Variants in CCDC3 observed in about 807,000 individuals in gnomAD.
The protein encoded by CCDC3 is coiled-coil domain containing 3.
A neutral mutation model predicts 21.4 loss-of-function variants in CCDC3; 24 were observed. That is an observed-to-expected ratio of 1.12 (90% CI 0.81 to 1.58). The LOEUF is 1.58. Ranked by LOEUF, CCDC3 falls within the 40% of genes most tolerant of loss-of-function variation. CCDC3 has a pLI of 0.00. For synonymous variants in CCDC3, 186 were observed against 166.0 expected (o/e 1.12, Z -0.93); for missense variants, 425 against 360.9 (o/e 1.18, Z -1.44).
At chr10:12,957,311 T>G (rs1835104463) in intron 2 of CCDC3, among the ~76,000 whole-genome samples, 1 of 152,164 alleles carries the variant, frequency 6.6e-6, no homozygotes, top group African/African-American at 2.4e-5. Context: ...CGAGCTTAGC[T>G]CTATACCGAA....
intron 2 of CCDC3, among the ~76,000 whole-genome samples, chr10:12,985,431 A>C (rs565944803): frequency 6.6e-6 from 1 of 152,250 alleles, no homozygotes; most frequent in Admixed American, 6.5e-5. Context: ...TTGGGCATTT[A>C]TAACAGAGAA....
rs1554756648 is a variant in CCDC3, at chr10:12,960,168, A to ACAACACACACACAC, written c.549+38169_549+38170insGTGTGTGTGTGTTG. Among the ~76,000 whole-genome samples the ACAACACACACACAC allele has an allele frequency of 2.8e-3, 420 of 148,850 alleles. 1 individual carries two copies. The highest frequency in any genetic ancestry group is 1.0e-2 in the African/African-American group (402 of 40,400). On this transcript the variant is annotated intron_variant, in intron 2 of 2. Transcript: ENST00000378825. ...GACTCCATTTCACACACACACACAC[A>ACAACACACACACAC]ACACACACACACACACACACACAAA... is the stretch of plus-strand genomic sequence containing the variant.
intron 2 of CCDC3, among the ~76,000 whole-genome samples, chr10:12,976,965 G>C (rs1375529373): frequency 6.6e-6 from 1 of 152,184 alleles, no homozygotes; most frequent in Non-Finnish European, 1.5e-5. Context: ...GCTCAGAATG[G>C]TGTCCCCCAC....
At chr10:12,946,507 A>G (rs1834918531) in intron 2 of CCDC3, among the ~76,000 whole-genome samples, 1 of 152,150 alleles carries the variant, frequency 6.6e-6, no homozygotes, top group Non-Finnish European at 1.5e-5. Flanking sequence ...GCCCAATAAG[A>G]CAAATGCCCA....
intron 2 of CCDC3, among the ~76,000 whole-genome samples, chr10:12,984,681 G>A (rs1835560230): frequency 6.6e-6 from 1 of 152,142 alleles, no homozygotes; most frequent in African/African-American, 2.4e-5. Context: ...AACAAAATGT[G>A]ATAGCACCAT....
intron 2 of CCDC3, among the ~76,000 whole-genome samples, chr10:12,948,817 C>T (rs1016745428): frequency 2.7e-5 from 4 of 146,960 alleles, no homozygotes; most frequent in African/African-American, 7.6e-5. Context: ...CTGCAAGCTC[C>T]ACCTCCCGGG....
rs547536340 is a variant in CCDC3, at chr10:12,993,519, G to T, written c.549+4819C>A. ...TTATGACAGACTGACATAAGTATGG[G>T]TCAGTCTGGGTCTTGGTCCTAGGGG... On this transcript the variant is annotated intron_variant, in intron 2 of 2. Transcript: ENST00000378825. 1.3e-4 allele frequency among the ~76,000 whole-genome samples: 20 copies of T among 152,266 alleles called. No individual in the cohort carries two copies. In the South Asian group the frequency reaches 4.2e-3, roughly 32 times the overall value.
chr10:12,920,724 G>A (rs541366247), intron 2 of CCDC3, among the ~76,000 whole-genome samples: 2 of 152,326 alleles, frequency 1.3e-5, no homozygotes, highest in Admixed American at 1.3e-4. Flanking sequence ...CCATATGGGA[G>A]GTTGTACCAT....
chr10:12,961,251 G>A (rs1256481359), intron 2 of CCDC3, among the ~76,000 whole-genome samples: 1 of 152,198 alleles, frequency 6.6e-6, no homozygotes, highest in Non-Finnish European at 1.5e-5. Flanking sequence ...GATCAGAACA[G>A]TATGCACATC....
At chr10:13,088,737 T>A (rs1257422175) in intron 3 of CCDC3, among the ~76,000 whole-genome samples, 1 of 152,194 alleles carries the variant, frequency 6.6e-6, no homozygotes, top group East Asian at 1.9e-4. Context: ...ATTAACTGAA[T>A]ATTAGCTGGG....
rs527441823 is a variant in CCDC3 at position 13,039,529 on chromosome 10, T to C, written c.-2+10145A>G. Reference sequence around the variant, plus strand: ...GAGTTACAAATAAGCAATAAAGAACTAGGAGTAGTTACTTAGTATCTTTTG... The same window carrying C: ...GAGTTACAAATAAGCAATAAAGAACCAGGAGTAGTTACTTAGTATCTTTTG... On this transcript the variant is annotated intron_variant, in intron 5 of 6. Transcript: ENST00000378839. Among the ~76,000 whole-genome samples, 17 of 152,276 alleles carry C rather than the reference T, an allele frequency of 1.1e-4. No individual in the cohort carries two copies. In the South Asian group the frequency reaches 3.3e-3, roughly 30 times the overall value.
chr10:12,934,285 C>T (rs949110189), intron 2 of CCDC3, among the ~76,000 whole-genome samples: 6 of 152,238 alleles, frequency 3.9e-5, no homozygotes, highest in East Asian at 1.9e-4. Context: ...ATTCCATTGT[C>T]GTCTTTCCAT....
rs557529186 is a variant in CCDC3, at chr10:12,990,635, C to T, written c.549+7703G>A. ...AAAAATTAGAATTTTAAGAAAGTTG[C>T]CACTGTGAGTTTGACAGCTTCCCAA... On this transcript the variant is annotated intron_variant, in intron 2 of 2. Coordinates refer to ENST00000378825, the MANE Select transcript of CCDC3 (RefSeq NM_031455.4). 2.4e-4 allele frequency among the ~76,000 whole-genome samples: 36 copies of T among 152,284 alleles called. No homozygotes were observed. In the South Asian group the frequency reaches 7.0e-3, roughly 30 times the overall value.
At chr10:12,951,181 G>C (rs1016095199) in intron 2 of CCDC3, among the ~76,000 whole-genome samples, 1 of 152,114 alleles carries the variant, frequency 6.6e-6, no homozygotes, top group African/African-American at 2.4e-5. Flanking sequence ...GACCAACCTG[G>C]GAAACATAGT....
At chr10:13,094,242 AGATGATGAT>A (rs71386151) in intron 3 of CCDC3, among the ~76,000 whole-genome samples, 77,026 of 146,630 alleles carry the variant, frequency 0.53, 21,391 homozygotes, top group East Asian at 0.71. Flanking sequence ...TTACTTTTCA[AGATGATGAT>A]GATGATGATG....
At chr10:13,042,801 C>T (rs1472546766) in intron 5 of CCDC3, among the ~76,000 whole-genome samples, 9 of 150,496 alleles carry the variant, frequency 6.0e-5, no homozygotes, top group South Asian at 2.1e-4. Context: ...CCCAGCTACC[C>T]GGGAGGCTGA....
chr10:12,909,656 G>A (rs982184626), intron 2 of CCDC3, among the ~76,000 whole-genome samples: 4 of 152,210 alleles, frequency 2.6e-5, no homozygotes, highest in Admixed American at 1.3e-4. Context: ...TCAGGGCAAA[G>A]CAATGAGGCT....
At chr10:12,922,522 A>G (rs17501362) in intron 2 of CCDC3, among the ~76,000 whole-genome samples, 8,005 of 152,276 alleles carry the variant, frequency 0.053, 233 homozygotes, top group Non-Finnish European at 0.071. Flanking sequence ...CAATTTAAGA[A>G]GAGGCTTGTA....
At chr10:12,920,024 AAGG>A (rs1199874342) in intron 2 of CCDC3, among the ~76,000 whole-genome samples, 2 of 152,182 alleles carry the variant, frequency 1.3e-5, no homozygotes, top group African/African-American at 4.8e-5. Flanking sequence ...TCCCATAAAA[AAGG>A]AGAAGCTGCT....
Sources: gnomAD v4.1 joint callset for allele counts (sites outside exome capture counted in the v4.1 genomes callset) on GRCh38, gnomAD v4.1.1 for gene constraint, MANE v1.5 for transcripts, NCBI Gene and HGNC (gene_info 2026-07-23, HGNC 2026-07-21) for gene names.